SLC8A1: variants seen among roughly 807,000 people sequenced by gnomAD.
SLC8A1 encodes the protein sodium/calcium exchanger 1.
A neutral mutation model predicts 68.3 loss-of-function variants in SLC8A1; 18 were observed. The observed-to-expected ratio is 0.26, with a 90% CI of 0.18 to 0.39. SLC8A1 has a LOEUF of 0.39. SLC8A1 is among the 10% of genes least tolerant of loss of function. The pLI is 1.00. For synonymous variants in SLC8A1, 475 were observed against 415.5 expected (o/e 1.14, Z -1.74); for missense variants, 985 against 1,156.7 (o/e 0.85, Z 2.15).
At chr2:40,489,702 T>A (rs1705194590) in intron 1 of SLC8A1, among the ~76,000 whole-genome samples, 1 of 152,002 alleles carries the variant, frequency 6.6e-6, no homozygotes, top group East Asian at 1.9e-4. Flanking sequence ...CTCTCTCCCT[T>A]GATAGAGATT....
intron 6 of SLC8A1, among the ~76,000 whole-genome samples, chr2:40,157,033 A>G (rs969651131): frequency 1.3e-5 from 2 of 152,196 alleles, no homozygotes; most frequent in Non-Finnish European, 2.9e-5. Context: ...TCCAAACCTC[A>G]GTGTTCTTAT....
intron 2 of SLC8A1, among the ~76,000 whole-genome samples, chr2:40,242,723 A>G (rs1469992224): frequency 1.3e-5 from 2 of 152,244 alleles, no homozygotes; most frequent in Admixed American, 6.5e-5. Flanking sequence ...TATGGTATCT[A>G]TAATTACAAG....
intron 2 of SLC8A1, among the ~76,000 whole-genome samples, chr2:40,243,130 G>A (rs2061422386): frequency 1.3e-5 from 2 of 152,172 alleles, no homozygotes; most frequent in African/African-American, 4.8e-5. Flanking sequence ...TAGCTGTGAT[G>A]CATGGAATAT....
chr2:40,481,014 G>A (rs1009461195), intron 1 of SLC8A1, among the ~76,000 whole-genome samples: 1 of 152,188 alleles, frequency 6.6e-6, no homozygotes, highest in Non-Finnish European at 1.5e-5. Flanking sequence ...GGGAGAAGAA[G>A]AGAGGAGTAT....
intron 2 of SLC8A1, among the ~76,000 whole-genome samples, chr2:40,361,836 T>A (rs539987777): frequency 6.6e-6 from 1 of 151,468 alleles, no homozygotes; most frequent in South Asian, 2.1e-4. Flanking sequence ...AAATGCATAA[T>A]TTTTCAATAA....
At chr2:40,354,085 A>G (rs138162459) in intron 2 of SLC8A1, among the ~76,000 whole-genome samples, 17 of 152,288 alleles carry the variant, frequency 1.1e-4, no homozygotes, top group African/African-American at 2.6e-4. Flanking sequence ...TCAAATAATA[A>G]ATCCACATGT....
At chr2:40,390,798 A>T (rs1238199879) in intron 2 of SLC8A1, among the ~76,000 whole-genome samples, 3 of 152,266 alleles carry the variant, frequency 2.0e-5, no homozygotes, top group South Asian at 2.1e-4. Context: ...ACTTTTGTCC[A>T]ATCACTCCAA....
chr2:40,238,594 C>A (rs964936508), intron 2 of SLC8A1, among the ~76,000 whole-genome samples: 1 of 152,168 alleles, frequency 6.6e-6, no homozygotes, highest in Non-Finnish European at 1.5e-5. Context: ...AGCTGTAGAC[C>A]GGAGCTGTTC....
intron 2 of SLC8A1, among the ~76,000 whole-genome samples, chr2:40,301,066 G>C (rs2071370634): frequency 6.6e-6 from 1 of 152,130 alleles, no homozygotes; most frequent in Non-Finnish European, 1.5e-5. Context: ...AGGAAGTTCA[G>C]AGGGCTGAAG....
Position 40,428,673 on chromosome 2 carries a change from G to A in SLC8A1, c.1608C>T (p.His536=), listed in dbSNP as rs140773930. Residue 536 remains histidine (H), a synonymous_variant, in exon 2 of 8, where the codon CAC becomes CAT. Transcript: ENST00000406785. ...GTTCCTCAAAAGTAAAAATGCCTGC[G>A]TGGTCATCATCAAAAATAGTTACAG... 22 of 1,613,574 alleles carry A rather than the reference G, an allele frequency of 1.4e-5. No individual in the cohort carries two copies. In the African/African-American group the frequency reaches 1.6e-4, roughly 12 times the overall value.
exon 8 of SLC8A1, chr2:40,100,200 G>C (rs1375414586): frequency 1.3e-5 from 2 of 152,036 alleles, no homozygotes; most frequent in Non-Finnish European, 1.5e-5. Flanking sequence ...CCTTTTTAAT[G>C]GACCACACAC....
chr2:40,451,786 A>ACACAC, intron 1 of SLC8A1, 118 bp downstream of exon 1: 1 of 101,872 alleles, frequency 9.8e-6, no homozygotes, highest in Non-Finnish European at 2.1e-5. Flanking sequence ...CACACACACA[A>ACACAC]ATTTAGAAGC....
At chr2:40,235,281 G>T (rs540954102) in intron 2 of SLC8A1, among the ~76,000 whole-genome samples, 14 of 152,292 alleles carry the variant, frequency 9.2e-5, no homozygotes, top group Admixed American at 9.1e-4. Flanking sequence ...TTCAGATCCT[G>T]TTGTTGGTCT....
chr2:40,202,859 A>G (rs1428141812), intron 2 of SLC8A1, among the ~76,000 whole-genome samples: 4 of 152,002 alleles, frequency 2.6e-5, no homozygotes, highest in Non-Finnish European at 5.9e-5. Context: ...AATTTTCTCT[A>G]TGCCCAGGTA....
At chr2:40,263,512 C>T (rs1467797140) in intron 2 of SLC8A1, among the ~76,000 whole-genome samples, 3 of 152,084 alleles carry the variant, frequency 2.0e-5, no homozygotes, top group East Asian at 3.9e-4. Context: ...GAGATATAGA[C>T]CAATGGAACA....
At chr2:40,497,700 G>T (rs1311912983) in intron 1 of SLC8A1, among the ~76,000 whole-genome samples, 1 of 152,050 alleles carries the variant, frequency 6.6e-6, no homozygotes, top group Non-Finnish European at 1.5e-5. Flanking sequence ...GGGTGCTTAT[G>T]GGGAGACAGT....
chr2:40,356,963 T>C (rs377515973), intron 2 of SLC8A1, among the ~76,000 whole-genome samples: 17 of 152,300 alleles, frequency 1.1e-4, no homozygotes, highest in African/African-American at 4.1e-4. Flanking sequence ...CATCTTGCCC[T>C]ATTATAAACA....
chr2:40,122,752 G>C (rs1023795723), intron 7 of SLC8A1, among the ~76,000 whole-genome samples: 10 of 152,156 alleles, frequency 6.6e-5, no homozygotes, highest in African/African-American at 2.4e-4. Context: ...TAGATTAACT[G>C]AGGTAATGAT....
At chr2:40,292,140 A>C (rs1487492966) in intron 2 of SLC8A1, among the ~76,000 whole-genome samples, 1 of 152,140 alleles carries the variant, frequency 6.6e-6, no homozygotes. Context: ...AAGAGGGAGG[A>C]AAAACTAAAC....
Sources: gnomAD v4.1 joint callset for allele counts (sites outside exome capture counted in the v4.1 genomes callset) on GRCh38, gnomAD v4.1.1 for gene constraint, MANE v1.5 for transcripts, NCBI Gene and HGNC (gene_info 2026-07-23, HGNC 2026-07-21) for gene names.